POT1: variants seen among roughly 807,000 people sequenced by gnomAD.
POT1 encodes protection of telomeres 1, also known as protection of telomeres protein 1.
POT1 carries 47 observed loss-of-function variants against 78.5 expected under a neutral mutation model. The ratio of observed to expected loss-of-function variants is 0.60; its 90% CI spans 0.47 to 0.76. POT1 has a LOEUF of 0.76. Among genes scored for constraint, POT1 ranks in the 30% least tolerant of loss-of-function variants. The pLI is 0.00. For missense variants in POT1, 646 were observed against 749.9 expected (o/e 0.86, Z 1.62); for synonymous variants, 259 against 260.7 (o/e 0.99, Z 0.06).
At chr7:124,922,114 A>C (rs1465057633) in intron 2 of POT1, among the ~76,000 whole-genome samples, 1 of 152,002 alleles carries the variant, frequency 6.6e-6, no homozygotes, top group Non-Finnish European at 1.5e-5. Flanking sequence ...TAGTCCTAAA[A>C]GAAAAAAAAA....
At chr7:124,870,780 ACTT>A (rs992401510) in intron 7 of POT1, 128 bp downstream of exon 7, 21 of 603,144 alleles carry the variant, frequency 3.5e-5, no homozygotes, top group East Asian at 7.1e-5. Context: ...TATTTACATT[ACTT>A]CTTATCTCCT....
rs1046197327 is a variant in POT1 at position 124,887,527 on chromosome 7, T to A, written c.124+4739A>T. ...TAGTTCATTCCTCAACAATAAAATT[T>A]GTATATCTTTATTTTAAAAATGGTT... On this transcript the variant is annotated intron_variant, in intron 6 of 18. Transcript: ENST00000357628. Among the ~76,000 whole-genome samples the A allele has an allele frequency of 2.6e-5, 4 of 152,240 alleles. No homozygotes were observed. In the South Asian group the frequency reaches 6.2e-4, roughly 24 times the overall value.
In POT1 at chr7:124,840,964, A is replaced by C; in HGVS notation, c.1369+9T>G. 6.3e-7 allele frequency: 1 copy of C among 1,577,944 alleles called. No individual in the cohort carries two copies. Among genetic ancestry groups the C allele is most frequent in the Non-Finnish European group, 8.7e-7 (1 of 1,150,080 alleles). On this transcript the variant is annotated intron_variant, in intron 14 of 18. Coordinates refer to ENST00000357628, the MANE Select transcript of POT1 (RefSeq NM_015450.3). ...GTATTCTAACAAAACAGTGACTTAA[A>C]TATCTTACCTTCTATCAAAAGTAGA...
intron 6 of POT1, among the ~76,000 whole-genome samples, chr7:124,875,374 G>C (rs922735506): frequency 2.0e-5 from 3 of 152,052 alleles, no homozygotes; most frequent in Non-Finnish European, 4.4e-5. Flanking sequence ...TTGTCTAAAG[G>C]ATGATACAAG....
intron 2 of POT1, among the ~76,000 whole-genome samples, chr7:124,923,588 G>C (rs902202279): frequency 6.6e-6 from 1 of 151,630 alleles, no homozygotes; most frequent in African/African-American, 2.4e-5. Context: ...AGAGAGATTA[G>C]AAAGTTAAAA....
chr7:124,840,321 G>A (rs1794996077), intron 14 of POT1, among the ~76,000 whole-genome samples: 1 of 151,360 alleles, frequency 6.6e-6, no homozygotes, highest in East Asian at 2.0e-4. Context: ...TCAAGGGAAG[G>A]AAAGCCTTAA....
At chr7:124,927,667 C>A (rs943841712) in intron 2 of POT1, among the ~76,000 whole-genome samples, 23 of 152,166 alleles carry the variant, frequency 1.5e-4, no homozygotes, top group Non-Finnish European at 3.1e-4. Context: ...TCAAACCCAT[C>A]TAAATGAGAG....
At chr7:124,920,491 C>T (rs999030929) in intron 2 of POT1, among the ~76,000 whole-genome samples, 1 of 152,122 alleles carries the variant, frequency 6.6e-6, no homozygotes, top group Non-Finnish European at 1.5e-5. Context: ...GTTACATACA[C>T]ATTTGCACGT....
intron 3 of POT1, among the ~76,000 whole-genome samples, chr7:124,912,259 A>C (rs544893795): frequency 2.0e-5 from 3 of 152,244 alleles, no homozygotes; most frequent in East Asian, 1.9e-4. Flanking sequence ...GAAAAAAAAA[A>C]AACTCAGTGG....
At chr7:124,841,218 G>A (rs762692134) in intron 13 of POT1, 40 bp from the exon 14 acceptor site, 6 of 1,505,582 alleles carry the variant, frequency 4.0e-6, no homozygotes, top group Non-Finnish European at 3.7e-6. Context: ...ATCGATTTTG[G>A]TGTAAGCGTG....
chr7:124,836,007 CTAA>C (rs1205613003), intron 14 of POT1, among the ~76,000 whole-genome samples: 1 of 152,062 alleles, frequency 6.6e-6, no homozygotes, highest in Non-Finnish European at 1.5e-5. Flanking sequence ...TTTTACTTAG[CTAA>C]TAATGCTTCC....
At chr7:124,834,108 G>C (rs774597055) in intron 15 of POT1, among the ~76,000 whole-genome samples, 2 of 152,086 alleles carry the variant, frequency 1.3e-5, no homozygotes, top group Non-Finnish European at 2.9e-5. Flanking sequence ...ATCAACTCAA[G>C]ATGGATTAAA....
intron 12 of POT1, among the ~76,000 whole-genome samples, chr7:124,844,771 T>C (rs941983328): frequency 1.4e-5 from 2 of 147,934 alleles, no homozygotes; most frequent in Non-Finnish European, 3.0e-5. Context: ...TTGGCAGACC[T>C]GATCAATTTA....
Position 124,841,020 on chromosome 7 carries a change from T to C in POT1, c.1322A>G (p.Asn441Ser), listed in dbSNP as rs1477300313. The C allele has an allele frequency of 3.1e-6, 5 of 1,611,914 alleles. No homozygotes were observed. In the African/African-American group the frequency reaches 5.3e-5, roughly 17 times the overall value. ...ATTTGAAAGCGGGAGAATACCATTATTTTTCACAAAATGAACTGCTACTTT... is the reference window on the plus strand; with the variant it reads ...ATTTGAAAGCGGGAGAATACCATTACTTTTCACAAAATGAACTGCTACTTT... ...GRKVAVHFVK[N>S]NGILPLSNEC... The change falls in exon 14 of 19, where the codon AAT (asparagine) becomes AGT (serine). Residue 441 changes from asparagine (N) to serine (S), a missense_variant. Asn to Ser is a conservative substitution (Grantham distance 46, BLOSUM62 1). Coordinates refer to ENST00000357628, the MANE Select transcript of POT1 (RefSeq NM_015450.3).
In POT1 at chr7:124,829,058, G is replaced by A. The variant is rs1794698480; in HGVS notation, c.1594+196C>T. On this transcript the variant is annotated intron_variant, in intron 16 of 18. Coordinates refer to ENST00000357628, the MANE Select transcript of POT1 (RefSeq NM_015450.3). Reference sequence around the variant, plus strand: ...GGCATAGGGGAAAGTATGTGACGGTGCCTGCTTGAAGAAATACAGACTAAA... The same window carrying A: ...GGCATAGGGGAAAGTATGTGACGGTACCTGCTTGAAGAAATACAGACTAAA... 4.0e-6 allele frequency: 3 copies of A among 756,074 alleles called. No homozygotes were observed. The Admixed American group carries it at 5.1e-5, about 13-fold the overall frequency. The allele number at this position is 756,074 out of a possible 1,614,324, so 46.8% of individuals were successfully genotyped here. A position where few individuals can be genotyped will look rare whatever the true frequency, so the allele number is the denominator to read the frequency against.
chr7:124,913,108 C>A (rs960708000), intron 3 of POT1, among the ~76,000 whole-genome samples: 8 of 152,090 alleles, frequency 5.3e-5, no homozygotes, highest in Non-Finnish European at 1.2e-4. Context: ...CCGTGAAACT[C>A]CTTCACTATC....
At chr7:124,889,054 A>T (rs1798638268) in intron 6 of POT1, among the ~76,000 whole-genome samples, 1 of 152,022 alleles carries the variant, frequency 6.6e-6, no homozygotes, top group South Asian at 2.1e-4. Flanking sequence ...GAAGGCATAT[A>T]TCCAAAGCTG....
chr7:124,847,999 GAA>G (rs978861226), intron 11 of POT1, among the ~76,000 whole-genome samples: 4 of 151,988 alleles, frequency 2.6e-5, no homozygotes, highest in African/African-American at 9.7e-5. Flanking sequence ...CCTATCTAAA[GAA>G]AAAATGTCTA....
chr7:124,914,465 T>C (rs1297015549), intron 3 of POT1, among the ~76,000 whole-genome samples: 4 of 152,070 alleles, frequency 2.6e-5, no homozygotes, highest in Non-Finnish European at 4.4e-5. Flanking sequence ...TCTACACAAG[T>C]TTCTGCTATG....
Sources: allele counts gnomAD v4.1 joint callset (sites outside exome capture counted in the v4.1 genomes callset), GRCh38; gene constraint gnomAD v4.1.1; transcripts MANE v1.5; gene names NCBI Gene and HGNC (gene_info 2026-07-23, HGNC 2026-07-21).